The following DPP8 variants were observed in gnomAD, a reference collection of about 807,000 sequenced individuals.
DPP8 encodes dipeptidyl peptidase 8.
Under a neutral mutation model 107.5 loss-of-function variants are expected in DPP8, and 31 were observed. That is an observed-to-expected ratio of 0.29 (90% confidence interval 0.22 to 0.39). The LOEUF (loss-of-function observed/expected upper bound fraction) is 0.39, where lower values mean the gene tolerates loss of function less well. DPP8 is among the 10% of genes least tolerant of loss of function. DPP8 has a pLI of 1.00. For missense variants in DPP8, 842 were observed against 1,076.1 expected (o/e 0.78, Z 3.04); for synonymous variants, 381 against 356.6 (o/e 1.07, Z -0.77).
At chr15:65,497,733 A>T (rs1369157802) in intron 5 of DPP8, 131 bp downstream of exon 5, 4 of 628,770 alleles carry the variant, frequency 6.4e-6, no homozygotes, top group Admixed American at 7.1e-5. Context: ...TCCATTTTTT[A>T]AAAATTTTAA....
At chr15:65,448,863 AAAATAT>A (rs2063704927) in intron 19 of DPP8, among the ~76,000 whole-genome samples, 1 of 84,014 alleles carries the variant, frequency 1.2e-5, no homozygotes, top group Non-Finnish European at 2.3e-5. Flanking sequence ...ATATATATCT[AAAATAT>A]ATATATATAT....
chr15:65,466,024 C>T (rs756037493), intron 14 of DPP8, among the ~76,000 whole-genome samples: 2 of 152,170 alleles, frequency 1.3e-5, no homozygotes, highest in Non-Finnish European at 2.9e-5. Context: ...CTTCCTTGCT[C>T]AAAGAGTCTT....
chr15:65,492,071 G>C (rs916988803), intron 5 of DPP8, among the ~76,000 whole-genome samples: 1 of 151,146 alleles, frequency 6.6e-6, no homozygotes, highest in African/African-American at 2.4e-5. Flanking sequence ...GCCAGGCGCA[G>C]TGGCTCACGC....
chr15:65,490,271 T>C lies in DPP8; in HGVS notation c.744A>G (p.Arg248=). 1 of 1,613,092 alleles carries C rather than the reference T, an allele frequency of 6.2e-7. No homozygotes were observed. The stretch of plus-strand genomic sequence containing the variant: ...GAACAAAGGTAGCGACTCCAGCTGA[T>C]CTGGCATCTTCTTCCATGTTGGCTA... ...NELANMEEDA[R]SAGVATFVLQ... Residue 248 remains arginine, a synonymous_variant, in exon 6 of 20, where the codon AGA becomes AGG. Transcript: ENST00000300141.
chr15:65,454,346 A>C lies in DPP8; in HGVS notation c.2188T>G (p.Leu730Val). The C allele has an allele frequency of 6.2e-7, 1 of 1,605,550 alleles. No homozygotes were observed. The highest frequency in any genetic ancestry group is 1.7e-5 in the Admixed American group (1 of 58,204). Residue 730 changes from leucine (L) to valine (V), a missense_variant, in exon 17 of 20, where the codon TTA (leucine) becomes GTA (valine). Transcript: ENST00000300141. ...CAGCCGTGGATGCCCACACGATCTA[A>C]GTCAATGAAATCATATCGAGAAGCT... is the stretch of plus-strand genomic sequence containing the variant. ...YLASRYDFIDLDRVGIHGWSY... is the reference protein window; with the variant it reads ...YLASRYDFIDVDRVGIHGWSY...
intron 4 of DPP8, among the ~76,000 whole-genome samples, chr15:65,498,288 G>C (rs936231658): frequency 6.6e-6 from 1 of 152,098 alleles, no homozygotes; most frequent in African/African-American, 2.4e-5. Flanking sequence ...TGGGCATAGT[G>C]GTGGGCACCT....
Position 65,446,766 on chromosome 15 carries a change from G to T in DPP8, c.*118C>A. Reference sequence around the variant, plus strand: ...CATGGCACCACATTTATTTTCAGGAGTAGATGTTACATGGCAGGTATCAAA... The same window carrying T: ...CATGGCACCACATTTATTTTCAGGATTAGATGTTACATGGCAGGTATCAAA... On this transcript the variant is annotated 3_prime_UTR_variant, in exon 20 of 20. Transcript: ENST00000300141. 1 of 1,043,186 alleles carries T rather than the reference G, an allele frequency of 9.6e-7. No homozygotes were observed. The highest frequency in any genetic ancestry group is 1.3e-6 in the Non-Finnish European group (1 of 741,936). 64.6% of individuals were successfully genotyped at this position (1,043,186 alleles called of 1,614,324 possible). A position where few individuals can be genotyped will look rare whatever the true frequency, so the allele number is the denominator to read the frequency against.
intron 19 of DPP8, among the ~76,000 whole-genome samples, chr15:65,448,866 AT>A (rs1567125116): frequency 0.012 from 54 of 4,486 alleles, 4 homozygotes; most frequent in African/African-American, 0.026. Context: ...TATATCTAAA[AT>A]ATATATATAT....
At chr15:65,487,445 G>A (rs409987) in intron 7 of DPP8, among the ~76,000 whole-genome samples, 55,471 of 152,036 alleles carry the variant, frequency 0.36, 12,012 homozygotes, top group Admixed American at 0.48. Context: ...TACCACGCCC[G>A]GCGCAAAGAT....
At chr15:65,490,974 A>G (rs1322250609) in intron 5 of DPP8, among the ~76,000 whole-genome samples, 2 of 152,044 alleles carry the variant, frequency 1.3e-5, no homozygotes, top group Non-Finnish European at 2.9e-5. Flanking sequence ...CCTGGCCAAT[A>G]TGGTGAAACT....
At chr15:65,493,024 T>TTG (rs1173831253) in intron 5 of DPP8, among the ~76,000 whole-genome samples, 7 of 152,196 alleles carry the variant, frequency 4.6e-5, no homozygotes, top group African/African-American at 1.7e-4. Flanking sequence ...AAAGAAATAT[T>TTG]TGGAATTCAG....
intron 3 of DPP8, among the ~76,000 whole-genome samples, chr15:65,503,956 T>C (rs1198014672): frequency 6.6e-6 from 1 of 151,988 alleles, no homozygotes; most frequent in East Asian, 2.0e-4. Context: ...GAGATGAGGT[T>C]TCACCATGTT....
intron 7 of DPP8, among the ~76,000 whole-genome samples, chr15:65,485,679 C>T (rs1358879025): frequency 6.6e-6 from 1 of 151,942 alleles, no homozygotes; most frequent in East Asian, 1.9e-4. Context: ...ACGTATATGC[C>T]AGGCATGCTG....
chr15:65,492,221 G>C (rs2068106611), intron 5 of DPP8, among the ~76,000 whole-genome samples: 1 of 151,914 alleles, frequency 6.6e-6, no homozygotes, highest in Non-Finnish European at 1.5e-5. Flanking sequence ...AGGTGCCTAT[G>C]GTCCCAGTTA....
chr15:65,461,707 G>A (rs1225374854), intron 15 of DPP8, among the ~76,000 whole-genome samples: 2 of 151,486 alleles, frequency 1.3e-5, no homozygotes, highest in African/African-American at 2.4e-5. Context: ...GGGTTCAAAC[G>A]ATTCTCCTGC....
intron 3 of DPP8, among the ~76,000 whole-genome samples, chr15:65,503,135 C>T (rs1399071210): frequency 6.6e-6 from 1 of 152,026 alleles, no homozygotes; most frequent in African/African-American, 2.4e-5. Context: ...TGAGATGGAG[C>T]CTTGCTCTGC....
intron 11 of DPP8, chr15:65,475,433 T>C (rs2066295506): frequency 1.9e-6 from 3 of 1,572,672 alleles, no homozygotes; most frequent in East Asian, 2.3e-5. Context: ...TACCTTATTA[T>C]GGCATTCAGG....
At chr15:65,502,306 A>G (rs2069336713) in intron 3 of DPP8, among the ~76,000 whole-genome samples, 2 of 924 alleles carry the variant, frequency 2.2e-3, no homozygotes, top group African/African-American at 4.0e-3. Flanking sequence ...GCTAAATGGA[A>G]AAAAAAAAAA....
At chr15:65,475,673 T>G (rs1289482067) in intron 11 of DPP8, 4 of 637,158 alleles carry the variant, frequency 6.3e-6, no homozygotes. Context: ...AAAGAAAATG[T>G]TTAATACAAT....
Sources: gnomAD v4.1 joint callset for allele counts (sites outside exome capture counted in the v4.1 genomes callset) on GRCh38, gnomAD v4.1.1 for gene constraint, MANE v1.5 for transcripts, NCBI Gene and HGNC (gene_info 2026-07-23, HGNC 2026-07-21) for gene names.